PARD3B: variants seen among roughly 807,000 people sequenced by gnomAD.
The protein encoded by PARD3B is par-3 family cell polarity regulator beta.
Under a neutral mutation model 130.2 loss-of-function variants are expected in PARD3B, and 103 were observed. That is an observed-to-expected ratio of 0.79 (90% CI 0.67 to 0.93). The LOEUF (loss-of-function observed/expected upper bound fraction) is 0.93. PARD3B is among the 40% of genes least tolerant of loss of function. PARD3B has a pLI of 0.00. For synonymous variants in PARD3B, 583 were observed against 553.2 expected (o/e 1.05, Z -0.76); for missense variants, 1,609 against 1,499.2 (o/e 1.07, Z -1.21).
At chr2:205,536,176 GA>G (rs1343841345) in intron 21 of PARD3B, among the ~76,000 whole-genome samples, 1 of 152,146 alleles carries the variant, frequency 6.6e-6, no homozygotes, top group Non-Finnish European at 1.5e-5. Flanking sequence ...TTCTGATTGA[GA>G]ATTGTGAGGT....
At chr2:204,654,273 A>G (rs1469060587) in intron 1 of PARD3B, among the ~76,000 whole-genome samples, 2 of 151,260 alleles carry the variant, frequency 1.3e-5, no homozygotes, top group Non-Finnish European at 2.9e-5. Context: ...GAAACGAAGA[A>G]AGGATCGTGA....
intron 2 of PARD3B, among the ~76,000 whole-genome samples, chr2:204,905,823 G>A (rs766073689): frequency 5.3e-5 from 8 of 152,250 alleles, no homozygotes; most frequent in African/African-American, 9.6e-5. Context: ...AGGGTTAGTC[G>A]GGGGAAAATG....
chr2:204,563,434 T>C (rs923817286), intron 1 of PARD3B, among the ~76,000 whole-genome samples: 1 of 152,090 alleles, frequency 6.6e-6, no homozygotes, highest in African/African-American at 2.4e-5. Flanking sequence ...TTTTGGAGGA[T>C]AACACACTTC....
chr2:205,036,232 G>A (rs1290356669), intron 3 of PARD3B, among the ~76,000 whole-genome samples: 1 of 142,336 alleles, frequency 7.0e-6, no homozygotes, highest in African/African-American at 2.6e-5. Context: ...TATATAGTGG[G>A]CTATATATAT....
intron 15 of PARD3B, among the ~76,000 whole-genome samples, chr2:205,239,630 TAAGGTTCATAGAGAAAGAAAAGGAA>T: frequency 6.6e-6 from 1 of 152,358 alleles, no homozygotes; most frequent in East Asian, 1.9e-4. Context: ...TAAGACTTTC[TAAGGTTCATAGAGAAAGAAAAGGAA>T]TTTTAAAGAG....
At chr2:205,101,998 A>C (rs537843565) in intron 4 of PARD3B, among the ~76,000 whole-genome samples, 1 of 152,308 alleles carries the variant, frequency 6.6e-6, no homozygotes, top group African/African-American at 2.4e-5. Context: ...TGTACTCTTT[A>C]AAATGGTGAC....
At chr2:204,601,017 C>A (rs992960406) in intron 1 of PARD3B, among the ~76,000 whole-genome samples, 17 of 151,594 alleles carry the variant, frequency 1.1e-4, no homozygotes, top group Non-Finnish European at 1.9e-4. Context: ...GGAGAAATTT[C>A]TTTCAGGGAC....
rs556540660 is a variant in PARD3B, at chr2:204,675,448, A to G, written c.121-10733A>G. 6.6e-5 allele frequency among the ~76,000 whole-genome samples: 10 copies of G among 152,232 alleles called. No individual in the cohort carries two copies. Among genetic ancestry groups the G allele is most frequent in the African/African-American group, 1.9e-4 (8 of 41,540 alleles). On this transcript the variant is annotated intron_variant, in intron 1 of 22. Transcript: ENST00000406610. This position sits in a 1 kb window ranked among gnomAD's most constrained non-coding sequence, Gnocchi z 4.4. ...AGGCCTATACTTTCATGCATTTAAG[A>G]GTGAGCCTTTAACTCACTCCTAGAG...
chr2:205,522,126 TCATTTATTTTTACTTCATTATTTTTA>T (rs1190967509), intron 21 of PARD3B, among the ~76,000 whole-genome samples: 21 of 146,600 alleles, frequency 1.4e-4, no homozygotes, highest in Middle Eastern at 3.6e-3. Flanking sequence ...TTTTTTGTTT[TCATTTATTTTTACTTCATTATTTTTA>T]CATTTATTTT....
intron 21 of PARD3B, among the ~76,000 whole-genome samples, chr2:205,507,793 A>G (rs1489104205): frequency 6.6e-6 from 1 of 152,176 alleles, no homozygotes; most frequent in Non-Finnish European, 1.5e-5. Flanking sequence ...TCTCCTGTTT[A>G]TCGTTAGAAA....
In PARD3B at chr2:205,354,285, A is replaced by G. The variant is rs180932766; in HGVS notation, c.2631-46728A>G. ...ACTCTCACCGCCACTGCCCCCGTTC[A>G]GTTACCGGTCAGGGAACCAAGAAAT... On this transcript the variant is annotated intron_variant, in intron 18 of 22. Transcript: ENST00000406610. Among the ~76,000 whole-genome samples, 752 of 151,734 alleles carry G rather than the reference A, an allele frequency of 5.0e-3. 5 individuals carry two copies. Among genetic ancestry groups the G allele is most frequent in the African/African-American group, 0.017 (704 of 41,394 alleles).
chr2:205,524,645 C>T (rs1039998569), intron 21 of PARD3B, among the ~76,000 whole-genome samples: 7 of 152,152 alleles, frequency 4.6e-5, no homozygotes, highest in Admixed American at 3.3e-4. Flanking sequence ...TCCGCTGTTA[C>T]AGCTACTTGG....
intron 18 of PARD3B, among the ~76,000 whole-genome samples, chr2:205,363,167 C>T (rs1404262629): frequency 6.6e-6 from 1 of 152,174 alleles, no homozygotes; most frequent in Non-Finnish European, 1.5e-5. Context: ...TAAAACATAA[C>T]TCTCATTATG....
chr2:205,140,836 A>G (rs1329902975), intron 10 of PARD3B, among the ~76,000 whole-genome samples: 2 of 152,210 alleles, frequency 1.3e-5, no homozygotes, highest in Middle Eastern at 3.4e-3. Context: ...GTAGGCTGAG[A>G]TTTTCTTCTA....
chr2:205,238,537 A>G (rs1184954657), intron 15 of PARD3B, among the ~76,000 whole-genome samples: 2 of 152,062 alleles, frequency 1.3e-5, no homozygotes, highest in Non-Finnish European at 2.9e-5. Context: ...AACAATAATA[A>G]AAAATATTTC....
intron 20 of PARD3B, among the ~76,000 whole-genome samples, chr2:205,451,610 A>G (rs1159193593): frequency 1.3e-5 from 2 of 151,924 alleles, no homozygotes; most frequent in Non-Finnish European, 2.9e-5. Context: ...ACCCTCTTTT[A>G]TAGCTAAGGC....
At chr2:205,429,943 A>G (rs896942215) in intron 19 of PARD3B, among the ~76,000 whole-genome samples, 1 of 152,124 alleles carries the variant, frequency 6.6e-6, no homozygotes, top group Admixed American at 6.5e-5. Context: ...CATGGCTCCA[A>G]TTTCTGCCTC....
chr2:205,364,345 A>C (rs2668151), intron 18 of PARD3B, among the ~76,000 whole-genome samples: 123,161 of 151,764 alleles, frequency 0.81, 50,508 homozygotes, highest in Admixed American at 0.89. Context: ...AGATAAGAGA[A>C]ATGGCATTCC....
chr2:205,070,913 C>T (rs1343445052), intron 4 of PARD3B, among the ~76,000 whole-genome samples: 2 of 152,058 alleles, frequency 1.3e-5, no homozygotes, highest in Non-Finnish European at 2.9e-5. Context: ...CATTTGCTCG[C>T]ACTCTTTTAT....
Sources: gnomAD v4.1 joint callset for allele counts (sites outside exome capture counted in the v4.1 genomes callset) on GRCh38, gnomAD v4.1.1 for gene constraint, Gnocchi (gnomAD v3.1) non-coding constraint, MANE v1.5 for transcripts, NCBI Gene and HGNC (gene_info 2026-07-23, HGNC 2026-07-21) for gene names.